Variants in IRS1 observed in about 807,000 individuals in gnomAD.
IRS1 encodes insulin receptor substrate 1.
In IRS1, 34 loss-of-function variants were observed where a neutral mutation model predicts 65.6. That is an observed-to-expected ratio of 0.52 (90% CI 0.39 to 0.69). The LOEUF (loss-of-function observed/expected upper bound fraction) is 0.69, where lower values mean the gene tolerates loss of function less well. Among genes scored for constraint, IRS1 ranks in the 30% least tolerant of loss-of-function variants. The pLI is 0.00. For synonymous variants in IRS1, 699 were observed against 683.5 expected (o/e 1.02, Z -0.35); for missense variants, 1,641 against 1,720.2 (o/e 0.95, Z 0.81).
In IRS1 at chr2:226,797,821, C is replaced by T. The variant is rs1475380446; in HGVS notation, c.918G>A (p.Glu306=). 1 of 1,605,756 alleles carries T rather than the reference C, an allele frequency of 6.2e-7. No individual in the cohort carries two copies. The highest frequency in any genetic ancestry group is 8.5e-7 in the Non-Finnish European group (1 of 1,177,318). ...TGGCCGGGGAGGTGGCGGTGATGCTCTCAGTGCGTGATCGGCGGGTCAGCC... is the reference window on the plus strand; with the variant it reads ...TGGCCGGGGAGGTGGCGGTGATGCTTTCAGTGCGTGATCGGCGGGTCAGCC... ...QVGLTRRSRT[E]SITATSPASM... The change falls in exon 1 of 2, where the codon GAG becomes GAA. Residue 306 remains glutamate (E), a synonymous_variant. Coordinates refer to ENST00000305123, the MANE Select transcript of IRS1 (RefSeq NM_005544.3). This position sits in a 1 kb window ranked among gnomAD's most constrained non-coding sequence, Gnocchi z 8.1.
intron 1 of IRS1, among the ~76,000 whole-genome samples, chr2:226,746,998 T>C (rs1191419086): frequency 1.3e-5 from 2 of 151,722 alleles, no homozygotes; most frequent in Admixed American, 1.3e-4. Context: ...CCATGTTGGG[T>C]AGGTTGGTCT....
Position 226,799,365 on chromosome 2 carries a change from TTGCTGC to T in IRS1, c.-633_-628del, listed in dbSNP as rs769109350. ...GACCGCGGCGCTGCGGCTGTTGCTG[TTGCTGC>T]TGCTGCTGCTGCTGCTGCTGCCGCC... On this transcript the variant is annotated 5_prime_UTR_variant, in exon 1 of 2. Transcript: ENST00000305123. This position sits in a 1 kb window ranked among gnomAD's most constrained non-coding sequence, Gnocchi z 6.1. 0.025 allele frequency: 30,481 copies of T among 1,237,834 alleles called. 1,062 individuals carry two copies. The highest frequency in any genetic ancestry group is 0.17 in the African/African-American group (9,935 of 56,840). The allele number at this position is 1,237,834 out of a possible 1,614,324, so 76.7% of individuals were successfully genotyped here. A position where few individuals can be genotyped will look rare whatever the true frequency, so the allele number is the denominator to read the frequency against.
At chr2:226,768,785 C>A (rs1017940029) in intron 1 of IRS1, among the ~76,000 whole-genome samples, 1 of 152,076 alleles carries the variant, frequency 6.6e-6, no homozygotes, top group Non-Finnish European at 1.5e-5. Flanking sequence ...TATAGGCGCC[C>A]CCCACCACGC....
chr2:226,798,891 G>A lies in IRS1; in HGVS notation c.-153C>T. On this transcript the variant is annotated 5_prime_UTR_variant, in exon 1 of 2. Coordinates refer to ENST00000305123, the MANE Select transcript of IRS1 (RefSeq NM_005544.3). The surrounding 1 kb of genome is among the most constrained non-coding windows in gnomAD (Gnocchi z 9.4). ...GAAATCCACGCCGCCCCCCGCGCCG[G>A]GGAGGGGCAGCTGAAGGAGGACGCA... 1 of 1,512,668 alleles carries A rather than the reference G, an allele frequency of 6.6e-7. No homozygotes were observed. Among genetic ancestry groups the A allele is most frequent in the East Asian group, 2.5e-5 (1 of 40,458 alleles). The allele number at this position is 1,512,668 out of a possible 1,614,324, so 93.7% of individuals were successfully genotyped here. A position where few individuals can be genotyped will look rare whatever the true frequency, so the allele number is the denominator to read the frequency against.
chr2:226,747,285 A>G (rs1229398762), intron 1 of IRS1, among the ~76,000 whole-genome samples: 1 of 152,070 alleles, frequency 6.6e-6, no homozygotes, highest in East Asian at 1.9e-4. Flanking sequence ...TTTCCTTGCA[A>G]TTTATATGTT....
rs547979511 is a variant in IRS1 at position 226,735,560 on chromosome 2, A to T, written c.*712T>A. ...TCAGGTTTATATGACAAGAGATAGTATCAGCAAATATAACTATACAATTGA... is the reference window on the plus strand; with the variant it reads ...TCAGGTTTATATGACAAGAGATAGTTTCAGCAAATATAACTATACAATTGA... On this transcript the variant is annotated 3_prime_UTR_variant, in exon 2 of 2. Coordinates refer to ENST00000305123, the MANE Select transcript of IRS1 (RefSeq NM_005544.3). 1 of 152,774 alleles carries T rather than the reference A, an allele frequency of 6.5e-6. No individual in the cohort carries two copies. Among genetic ancestry groups the T allele is most frequent in the South Asian group, 2.1e-4 (1 of 4,830 alleles). 9.5% of individuals were successfully genotyped at this position (152,774 alleles called of 1,614,324 possible). A position where few individuals can be genotyped will look rare whatever the true frequency, so the allele number is the denominator to read the frequency against.
rs1399563433 is a variant in IRS1 at position 226,736,245 on chromosome 2, T to C, written c.*27A>G. 6.6e-6 allele frequency: 1 copy of C among 152,260 alleles called. No individual in the cohort carries two copies. The highest frequency in any genetic ancestry group is 2.4e-5 in the African/African-American group (1 of 41,436). The allele number at this position is 152,260 out of a possible 1,614,324, so 9.4% of individuals were successfully genotyped here. ...AGGATTTGCTGAGGTCATTTAGGTC[T>C]TCATTCTGAAAAGAAAAAGGAAAGA... On this transcript the variant is annotated 3_prime_UTR_variant, in exon 2 of 2. Coordinates refer to ENST00000305123, the MANE Select transcript of IRS1 (RefSeq NM_005544.3).
Position 226,764,715 on chromosome 2 carries a change from G to T in IRS1, c.*22-28465C>A, listed in dbSNP as rs987213003. On this transcript the variant is annotated intron_variant, in intron 1 of 1. Transcript: ENST00000305123. ...GGGAGTTAAAGCAGATCACAGTGAG[G>T]GTGCGCCACAGCATAACCTCTGTGA... Among the ~76,000 whole-genome samples, 3 of 152,126 alleles carry T rather than the reference G, an allele frequency of 2.0e-5. No individual in the cohort carries two copies. The East Asian group carries it at 5.8e-4, about 29-fold the overall frequency.
intron 1 of IRS1, among the ~76,000 whole-genome samples, chr2:226,741,601 C>CACACAATT (rs1938437616): frequency 6.6e-6 from 1 of 152,054 alleles, no homozygotes; most frequent in Non-Finnish European, 1.5e-5. Flanking sequence ...TTTCCTATTT[C>CACACAATT]ACACAATTAC....
chr2:226,764,716 G>T (rs1293337680), intron 1 of IRS1, among the ~76,000 whole-genome samples: 1 of 152,150 alleles, frequency 6.6e-6, no homozygotes, highest in African/African-American at 2.4e-5. Context: ...CACAGTGAGG[G>T]TGCGCCACAG....
chr2:226,759,969 G>A (rs1386735858), intron 1 of IRS1, among the ~76,000 whole-genome samples: 1 of 152,138 alleles, frequency 6.6e-6, no homozygotes, highest in Admixed American at 6.5e-5. Context: ...GAGCTCAGGC[G>A]TTTGAGACCA....
At chr2:226,775,571 C>T (rs534465562) in intron 1 of IRS1, among the ~76,000 whole-genome samples, 8 of 152,298 alleles carry the variant, frequency 5.3e-5, no homozygotes, top group African/African-American at 1.9e-4. Flanking sequence ...TGGGTTAGTA[C>T]ACACATACAT....
At chr2:226,748,558 C>A (rs1048226943) in intron 1 of IRS1, among the ~76,000 whole-genome samples, 1 of 151,812 alleles carries the variant, frequency 6.6e-6, no homozygotes, top group African/African-American at 2.4e-5. Flanking sequence ...CTCTAAGAGG[C>A]TATTCCTAAA....
intron 1 of IRS1, among the ~76,000 whole-genome samples, chr2:226,769,658 A>G (rs1294910564): frequency 6.6e-6 from 1 of 152,226 alleles, no homozygotes; most frequent in Non-Finnish European, 1.5e-5. Flanking sequence ...GTTGTTTAAC[A>G]AAGCTATTGT....
chr2:226,762,821 A>G (rs1938943505), intron 1 of IRS1, among the ~76,000 whole-genome samples: 1 of 152,230 alleles, frequency 6.6e-6, no homozygotes, highest in Non-Finnish European at 1.5e-5. Context: ...AATCCAAAAG[A>G]GGCTGATCAT....
Position 226,795,967 on chromosome 2 carries a change from T to A in IRS1, c.2772A>T (p.Pro924=). 1 of 1,614,094 alleles carries A rather than the reference T, an allele frequency of 6.2e-7. No homozygotes were observed. Among genetic ancestry groups the A allele is most frequent in the Non-Finnish European group, 8.5e-7 (1 of 1,180,028 alleles). The change falls in exon 1 of 2, where the codon CCA becomes CCT. Residue 924 remains proline (P), a synonymous_variant. Transcript: ENST00000305123. ...CTCTGGGAGCTGGCTGGAGCTGGGA[T>A]GGACACCTGACAGAAGGTGAGCTGT... ...AFHSSPSVRC[P]SQLQPAPREE...
At position 226,797,757 on chromosome 2, in the gene IRS1, C is replaced by T. The variant is rs768001552; in HGVS notation, c.982G>A (p.Ala328Thr). The T allele has an allele frequency of 5.0e-6, 8 of 1,594,586 alleles. No homozygotes were observed. Among genetic ancestry groups the T allele is most frequent in the Non-Finnish European group, 6.8e-6 (8 of 1,175,528 alleles). Residue 328 changes from alanine (A) to threonine (T), a missense_variant, in exon 1 of 2, where the codon GCC becomes ACC. Physicochemically the swap from Ala to Thr is moderately conservative, Grantham distance 58. Around this residue, in one of 3 missense-constraint regions of IRS1, gnomAD observed 1,324 missense variants for 1,361.0 expected, o/e 0.97. Transcript: ENST00000305123. The surrounding 1 kb of genome is among the most constrained non-coding windows in gnomAD (Gnocchi z 8.1). Reference sequence around the variant, plus strand: ...ATGGTGCCTTCGCCGTCACTGGAGGCGCGGACACGGAAGGAGCCTGGCTTC... The same window carrying T: ...ATGGTGCCTTCGCCGTCACTGGAGGTGCGGACACGGAAGGAGCCTGGCTTC... Reference protein sequence around the residue: ...GGKPGSFRVRASSDGEGTMSR... With the variant: ...GGKPGSFRVRTSSDGEGTMSR...
chr2:226,795,450 G>T lies in IRS1; in HGVS notation c.3289C>A (p.Arg1097=). 1 of 1,613,542 alleles carries T rather than the reference G, an allele frequency of 6.2e-7. No individual in the cohort carries two copies. ...GAGAAAGTCTCGGAGCTATGCCTCC[G>T]CCGGCACCCTTGTGGGTCTGCACGG... is the stretch of plus-strand genomic sequence containing the variant. ...VIRADPQGCR[R]RHSSETFSST... is the part of the protein sequence containing the mutation. The change falls in exon 1 of 2, where the codon CGG becomes AGG. Residue 1097 remains arginine, a synonymous_variant. Coordinates refer to ENST00000305123, the MANE Select transcript of IRS1 (RefSeq NM_005544.3).
chr2:226,772,387 G>A (rs555573035), intron 1 of IRS1, among the ~76,000 whole-genome samples: 19 of 152,266 alleles, frequency 1.2e-4, no homozygotes, highest in Non-Finnish European at 2.2e-4. Flanking sequence ...ACAGTTCCCA[G>A]GAGGTGGCAG....
Sources: allele counts gnomAD v4.1 joint callset (sites outside exome capture counted in the v4.1 genomes callset), GRCh38; gene constraint gnomAD v4.1.1; regional missense constraint gnomAD v4.1.1; non-coding constraint Gnocchi (gnomAD v3.1); transcripts MANE v1.5; gene names NCBI Gene and HGNC (gene_info 2026-07-23, HGNC 2026-07-21).